The following MACROD2 variants were observed in gnomAD, a reference collection of about 807,000 sequenced individuals.
The protein encoded by MACROD2 is ADP-ribose glycohydrolase MACROD2.
In MACROD2, 36 loss-of-function variants were observed where a neutral mutation model predicts 70.4. That is an observed-to-expected ratio of 0.51 (90% CI 0.39 to 0.68). The LOEUF is 0.68. Among genes scored for constraint, MACROD2 ranks in the 30% least tolerant of loss-of-function variants. The pLI is 0.00. For synonymous variants in MACROD2, 172 were observed against 178.8 expected, an observed-to-expected ratio of 0.96 and a Z score of 0.30; for missense variants, 496 against 538.4, an observed-to-expected ratio of 0.92 and a Z score of 0.78.
At chr20:14,956,284 A>G (rs1049545461) in intron 5 of MACROD2, among the ~76,000 whole-genome samples, 5 of 152,128 alleles carry the variant, frequency 3.3e-5, no homozygotes, top group Admixed American at 1.3e-4. Flanking sequence ...TCACCACTCA[A>G]TGACGAATGC....
chr20:15,939,467 T>G (rs1412481491), intron 12 of MACROD2, among the ~76,000 whole-genome samples: 6 of 152,126 alleles, frequency 3.9e-5, no homozygotes, highest in African/African-American at 1.4e-4. Flanking sequence ...CATGTCTCTT[T>G]ATAGCATTGT....
chr20:15,888,248 C>A lies in MACROD2; in HGVS notation c.775+2437C>A, dbSNP rs941970588. 3.3e-5 allele frequency among the ~76,000 whole-genome samples: 5 copies of A among 152,068 alleles called. No individual in the cohort carries two copies. The East Asian group carries it at 9.6e-4, about 29-fold the overall frequency. ...TTAAATTAAAATTTCCATTCCTATA[C>A]CCATGTAGAATGTCTTATTGTTAAA... On this transcript the variant is annotated intron_variant, in intron 10 of 17. Coordinates refer to ENST00000684519, the MANE Select transcript of MACROD2 (RefSeq NM_001351661.2).
chr20:14,483,662 T>G (rs2084688387), intron 3 of MACROD2, among the ~76,000 whole-genome samples: 1 of 152,232 alleles, frequency 6.6e-6, no homozygotes, highest in Non-Finnish European at 1.5e-5. Context: ...CGCCTTGGCC[T>G]CCCAAAGTGC....
At chr20:14,159,319 G>A (rs192721339) in intron 3 of MACROD2, among the ~76,000 whole-genome samples, 2 of 152,216 alleles carry the variant, frequency 1.3e-5, no homozygotes, top group African/African-American at 4.8e-5. Context: ...GATTGTTTTG[G>A]GCATTATGGT....
intron 2 of MACROD2, among the ~76,000 whole-genome samples, chr20:14,075,322 A>C (rs1422398946): frequency 3.9e-5 from 6 of 152,204 alleles, no homozygotes; most frequent in African/African-American, 1.4e-4. Flanking sequence ...ACCGTGGAAA[A>C]GACATTAAAT....
chr20:14,116,613 A>T (rs1009844785), intron 3 of MACROD2, among the ~76,000 whole-genome samples: 5 of 152,228 alleles, frequency 3.3e-5, no homozygotes, highest in Admixed American at 6.5e-5. Context: ...TAAATAAAGT[A>T]AGAAGAAATA....
intron 6 of MACROD2, among the ~76,000 whole-genome samples, chr20:15,401,374 G>A (rs1286441732): frequency 6.6e-6 from 1 of 152,178 alleles, no homozygotes; most frequent in Admixed American, 6.5e-5. Context: ...ACAAGCCAAA[G>A]CAGAGCAACT....
At chr20:15,422,696 G>C (rs1010850484) in intron 6 of MACROD2, among the ~76,000 whole-genome samples, 1 of 152,156 alleles carries the variant, frequency 6.6e-6, no homozygotes, top group African/African-American at 2.4e-5. Context: ...AGGCATTCAG[G>C]ATACTATAAA....
chr20:14,048,571 G>T (rs1424340539), intron 2 of MACROD2, among the ~76,000 whole-genome samples: 2 of 152,134 alleles, frequency 1.3e-5, no homozygotes, highest in Admixed American at 1.3e-4. Context: ...AAAGTTCTAT[G>T]TGCAATAAAA....
chr20:15,571,387 A>G (rs1012811463), intron 8 of MACROD2, among the ~76,000 whole-genome samples: 4 of 150,958 alleles, frequency 2.6e-5, no homozygotes, highest in African/African-American at 9.7e-5. Flanking sequence ...CTGTAGATAG[A>G]TGTGTTCCTC....
chr20:15,600,627 A>G (rs2048806512), intron 8 of MACROD2, among the ~76,000 whole-genome samples: 1 of 152,244 alleles, frequency 6.6e-6, no homozygotes. Context: ...GTCTTACAGA[A>G]AAACCTTTAG....
chr20:14,640,486 G>A (rs151187435), intron 4 of MACROD2, among the ~76,000 whole-genome samples: 99 of 152,176 alleles, frequency 6.5e-4, no homozygotes, highest in African/African-American at 2.2e-3. Flanking sequence ...CTATCCCTGA[G>A]GAGCTTTATA....
At chr20:15,522,020 G>A (rs2047659769) in intron 8 of MACROD2, among the ~76,000 whole-genome samples, 1 of 152,224 alleles carries the variant, frequency 6.6e-6, no homozygotes, top group Non-Finnish European at 1.5e-5. Flanking sequence ...TTAAGTTGCT[G>A]AAGATCTCTA....
intron 4 of MACROD2, among the ~76,000 whole-genome samples, chr20:14,614,763 C>A (rs931041820): frequency 6.6e-6 from 1 of 152,098 alleles, no homozygotes. Flanking sequence ...ATATGTGCTA[C>A]ACACTTTGGA....
intron 5 of MACROD2, among the ~76,000 whole-genome samples, chr20:15,193,791 A>G (rs780172402): frequency 6.6e-6 from 1 of 151,982 alleles, no homozygotes; most frequent in Non-Finnish European, 1.5e-5. Context: ...CTTGGTGGTT[A>G]TGTACAAAGG....
intron 8 of MACROD2, among the ~76,000 whole-genome samples, chr20:15,573,127 T>C (rs937253604): frequency 1.3e-5 from 2 of 152,128 alleles, no homozygotes; most frequent in Admixed American, 1.3e-4. Context: ...ATAACTGCAA[T>C]GTGTTGGCAT....
At chr20:14,833,741 T>A (rs365042) in intron 5 of MACROD2, among the ~76,000 whole-genome samples, 58,038 of 151,894 alleles carry the variant, frequency 0.38, 11,965 homozygotes, top group African/African-American at 0.52. Context: ...TTTGAAATGC[T>A]AGTGGAAAAT....
chr20:14,649,964 A>C (rs1199684881), intron 4 of MACROD2, among the ~76,000 whole-genome samples: 2 of 152,164 alleles, frequency 1.3e-5, no homozygotes, highest in Non-Finnish European at 2.9e-5. Context: ...TTTTGCAGTA[A>C]GTCTGAAGAT....
chr20:15,938,083 A>G (rs1423190370), intron 12 of MACROD2, among the ~76,000 whole-genome samples: 1 of 152,140 alleles, frequency 6.6e-6, no homozygotes, highest in East Asian at 1.9e-4. Context: ...TAAAAAAAAA[A>G]AAACAATTTA....
Sources: allele counts gnomAD v4.1 joint callset (sites outside exome capture counted in the v4.1 genomes callset), GRCh38; gene constraint gnomAD v4.1.1; transcripts MANE v1.5; gene names NCBI Gene and HGNC (gene_info 2026-07-23, HGNC 2026-07-21).